Variants in FXYD7 observed in about 807,000 individuals in gnomAD.
FXYD7 encodes the protein FXYD domain containing ion transport regulator 7, also known as FXYD domain-containing ion transport regulator 7.
In FXYD7, 7 loss-of-function variants were observed where a neutral mutation model predicts 15.3. The ratio of observed to expected loss-of-function variants is 0.46; its 90% CI spans 0.26 to 0.86. FXYD7 has a LOEUF of 0.86. FXYD7 is among the 40% of genes least tolerant of loss of function. FXYD7 has a pLI of 0.16. For synonymous variants in FXYD7, 39 were observed against 39.3 expected (o/e 0.99, Z 0.03); for missense variants, 78 against 100.6 (o/e 0.78, Z 0.96).
In FXYD7 at chr19:35,154,019, G is replaced by T; in HGVS notation, c.*103G>T. On this transcript the variant is annotated 3_prime_UTR_variant, in exon 6 of 6. Coordinates refer to ENST00000270310, the MANE Select transcript of FXYD7 (RefSeq NM_022006.2). The stretch of plus-strand genomic sequence containing the variant: ...CAGCCGCGCGCCGGGAGCGCTCCCC[G>T]GAATGAGCCGCCCCACCCACCCCAA... The T allele has an allele frequency of 9.3e-7, 1 of 1,078,240 alleles. No homozygotes were observed. The highest frequency in any genetic ancestry group is 1.8e-5 in the Admixed American group (1 of 54,526). 66.8% of individuals were successfully genotyped at this position (1,078,240 alleles called of 1,614,324 possible).
intron 5 of FXYD7, among the ~76,000 whole-genome samples, 200 bp from the exon 6 acceptor site, chr19:35,153,693 TC>T (rs901185141): frequency 1.3e-5 from 2 of 152,108 alleles, no homozygotes; most frequent in African/African-American, 4.8e-5. Flanking sequence ...GGTGTTTCTC[TC>T]CATGACAGCA....
At chr19:35,152,477 C>A (rs2065314927) in intron 5 of FXYD7, among the ~76,000 whole-genome samples, 1 of 142,314 alleles carries the variant, frequency 7.0e-6, no homozygotes, top group African/African-American at 2.7e-5. Context: ...GGAAGCGGGA[C>A]AGAGGGAGGG....
intron 1 of FXYD7, among the ~76,000 whole-genome samples, chr19:35,144,401 G>A (rs1178328966): frequency 6.6e-6 from 1 of 151,998 alleles, no homozygotes; most frequent in Non-Finnish European, 1.5e-5. Flanking sequence ...TTCTACCGTC[G>A]CCCCCTAATA....
intron 1 of FXYD7, among the ~76,000 whole-genome samples, chr19:35,146,660 C>T (rs1163747391): frequency 1.3e-5 from 2 of 152,164 alleles, no homozygotes; most frequent in African/African-American, 4.8e-5. Flanking sequence ...CTGCTGGTTA[C>T]ATCAATAAAT....
Position 35,143,445 on chromosome 19 carries a change from C to A in FXYD7, c.31+81C>A. ...GAGAGAGGGTGTCGGGAGATTCAAG[C>A]AATGGTAAGGCAAGGGAGTTGGGGG... On this transcript the variant is annotated intron_variant, in intron 1 of 5. Transcript: ENST00000270310. The surrounding 1 kb of genome is among the most constrained non-coding windows in gnomAD (Gnocchi z 4.3). 8.9e-7 allele frequency: 1 copy of A among 1,129,334 alleles called. No homozygotes were observed. The highest frequency in any genetic ancestry group is 1.2e-6 in the Non-Finnish European group (1 of 823,198). The allele number at this position is 1,129,334 out of a possible 1,614,324, so 70.0% of individuals were successfully genotyped here. A position where few individuals can be genotyped will look rare whatever the true frequency, so the allele number is the denominator to read the frequency against.
intron 1 of FXYD7, among the ~76,000 whole-genome samples, chr19:35,147,896 G>A (rs1449387379): frequency 6.6e-6 from 1 of 151,864 alleles, no homozygotes; most frequent in African/African-American, 2.4e-5. Context: ...GGGAGGCTGA[G>A]GCAGGAGAAT....
At chr19:35,145,944 A>C (rs1263473793) in intron 1 of FXYD7, among the ~76,000 whole-genome samples, 2 of 151,546 alleles carry the variant, frequency 1.3e-5, no homozygotes. Context: ...CACCCAGCTA[A>C]TTTTTGTATT....
intron 1 of FXYD7, among the ~76,000 whole-genome samples, chr19:35,145,134 G>A (rs369438199): frequency 2.0e-5 from 3 of 152,222 alleles, no homozygotes; most frequent in South Asian, 2.1e-4. Flanking sequence ...GGTCAAGATT[G>A]AAACCTGCAT....
chr19:35,143,288 C>T lies in FXYD7; in HGVS notation c.-46C>T. On this transcript the variant is annotated 5_prime_UTR_variant, in exon 1 of 6. Transcript: ENST00000270310. The surrounding 1 kb of genome is among the most constrained non-coding windows in gnomAD (Gnocchi z 4.3). ...CGTCCTGCTTCCAGCTGCTGCAGCG[C>T]GCCTTCGCCGCCAAAGCATCCAGCA... The T allele has an allele frequency of 1.3e-6, 2 of 1,508,516 alleles. No homozygotes were observed. Among genetic ancestry groups the T allele is most frequent in the Non-Finnish European group, 9.0e-7 (1 of 1,116,370 alleles). The allele number at this position is 1,508,516 out of a possible 1,614,324, so 93.4% of individuals were successfully genotyped here. A position where few individuals can be genotyped will look rare whatever the true frequency, so the allele number is the denominator to read the frequency against.
intron 5 of FXYD7, among the ~76,000 whole-genome samples, chr19:35,151,927 T>G (rs550426683): frequency 6.6e-6 from 1 of 151,322 alleles, no homozygotes; most frequent in African/African-American, 2.4e-5. Context: ...TCACCTGAGG[T>G]CAGGAGATCG....
rs35844512 is a variant in FXYD7 at position 35,151,261 on chromosome 19, C to T, written c.69C>T (p.Asn23=). ...EEPDPFYYDY[N]TVQTVGMTLA... is the part of the protein sequence containing the mutation. The stretch of plus-strand genomic sequence containing the variant: ...CCCCATTATCTTCCCCAGACTACAA[C>T]ACGGTGCAGACTGTGGGCATGACTC... The change falls in exon 3 of 6, where the codon AAC becomes AAT. Residue 23 remains asparagine (N), a synonymous_variant. Coordinates refer to ENST00000270310, the MANE Select transcript of FXYD7 (RefSeq NM_022006.2). 4,672 of 1,599,556 alleles carry T rather than the reference C, an allele frequency of 2.9e-3. 64 individuals carry two copies. The African/African-American group carries it at 0.042, about 14-fold the overall frequency.
intron 2 of FXYD7, chr19:35,149,316 T>G: frequency 3.0e-6 from 1 of 334,462 alleles, no homozygotes; most frequent in Non-Finnish European, 6.0e-6. Context: ...TGTCAATTTC[T>G]CTCCCATCTC....
Position 35,153,909 on chromosome 19 carries a change from G to T in FXYD7, c.236G>T (p.Gly79Val). Residue 79 changes from glycine to valine, a missense_variant, in exon 6 of 6, where the codon GGC becomes GTC. Transcript: ENST00000270310. ...CTCTCCCCAGCCCCTGGTGGCGGCG[G>T]CGTGTAACACCTTCCCGAGGAAACT... ...ELPSSAPGGG[G>V]V 5 of 1,612,548 alleles carry T rather than the reference G, an allele frequency of 3.1e-6. No individual in the cohort carries two copies. The highest frequency in any genetic ancestry group is 4.2e-6 in the Non-Finnish European group (5 of 1,179,138).
chr19:35,153,940 G>C lies in FXYD7; in HGVS notation c.*24G>C. On this transcript the variant is annotated 3_prime_UTR_variant, in exon 6 of 6. Transcript: ENST00000270310. Reference sequence around the variant, plus strand: ...AACACCTTCCCGAGGAAACTCCGCTGCCGACCCTGCCTGAGCGCGGGAGCC... The same window carrying C: ...AACACCTTCCCGAGGAAACTCCGCTCCCGACCCTGCCTGAGCGCGGGAGCC... The C allele has an allele frequency of 6.2e-7, 1 of 1,609,572 alleles. No homozygotes were observed. Among genetic ancestry groups the C allele is most frequent in the Non-Finnish European group, 8.5e-7 (1 of 1,177,508 alleles).
At chr19:35,150,183 C>A (rs977035746) in intron 2 of FXYD7, among the ~76,000 whole-genome samples, 12 of 152,174 alleles carry the variant, frequency 7.9e-5, no homozygotes, top group Admixed American at 1.3e-4. Flanking sequence ...TCCCAAAGTG[C>A]TGAGATTACA....
In FXYD7 at chr19:35,145,526, C is replaced by G. The variant is rs77177672; in HGVS notation, c.31+2162C>G. On this transcript the variant is annotated intron_variant, in intron 1 of 5. Transcript: ENST00000270310. ...TTTTACAGCCTCCTGCAGCCTAGGA[C>G]TGCCTCATAATCATTCCTTCATTCA... 2.3e-3 allele frequency among the ~76,000 whole-genome samples: 348 copies of G among 152,324 alleles called. 2 individuals carry two copies. The highest frequency in any genetic ancestry group is 8.0e-3 in the African/African-American group (332 of 41,566).
intron 4 of FXYD7, 29 bp downstream of exon 4, chr19:35,151,511 G>A (rs1180905064): frequency 1.2e-6 from 2 of 1,612,300 alleles, no homozygotes; most frequent in Non-Finnish European, 1.7e-6. Flanking sequence ...AAGAGCGGGA[G>A]GGGGCCTCGG....
At chr19:35,151,789 C>T in intron 5 of FXYD7, 116 bp downstream of exon 5, 1 of 773,770 alleles carries the variant, frequency 1.3e-6, no homozygotes, top group Non-Finnish European at 2.4e-6. Flanking sequence ...GGGGGTGGTG[C>T]CTGCAGATAT....
At chr19:35,144,879 A>G (rs1340618278) in intron 1 of FXYD7, among the ~76,000 whole-genome samples, 2 of 152,132 alleles carry the variant, frequency 1.3e-5, no homozygotes, top group African/African-American at 4.8e-5. Flanking sequence ...CCGGGGGAGG[A>G]AAAGCATGTT....
Sources: gnomAD v4.1 joint callset for allele counts (sites outside exome capture counted in the v4.1 genomes callset) on GRCh38, gnomAD v4.1.1 for gene constraint, Gnocchi (gnomAD v3.1) non-coding constraint, MANE v1.5 for transcripts, NCBI Gene and HGNC (gene_info 2026-07-23, HGNC 2026-07-21) for gene names.